The following CYP7B1 variants were observed in gnomAD, a reference collection of about 807,000 sequenced individuals.
CYP7B1 encodes the protein cytochrome P450 family 7 subfamily B member 1.
Under a neutral mutation model 42.7 loss-of-function variants are expected in CYP7B1, and 29 were observed. The observed-to-expected ratio is 0.68, with a 90% CI of 0.51 to 0.93. The LOEUF (loss-of-function observed/expected upper bound fraction) is 0.93. CYP7B1 is among the 40% of genes least tolerant of loss of function. CYP7B1 has a pLI of 0.00. For missense variants in CYP7B1, 655 were observed against 600.5 expected (o/e 1.09, Z -0.95); for synonymous variants, 235 against 218.2 (o/e 1.08, Z -0.68).
At chr8:64,628,141 T>C (rs565261581) in intron 1 of CYP7B1, among the ~76,000 whole-genome samples, 1 of 152,280 alleles carries the variant, frequency 6.6e-6, no homozygotes, top group Admixed American at 6.5e-5. Context: ...TCAAACAATA[T>C]ACATTTCCTC....
chr8:64,785,416 T>C (rs1270517877), intron 1 of CYP7B1, among the ~76,000 whole-genome samples: 1 of 152,236 alleles, frequency 6.6e-6, no homozygotes, highest in Non-Finnish European at 1.5e-5. Context: ...TAAATATTTT[T>C]AGCACCTTTA....
intron 1 of CYP7B1, among the ~76,000 whole-genome samples, chr8:64,711,727 C>T (rs1807084704): frequency 6.6e-6 from 1 of 152,164 alleles, no homozygotes; most frequent in Non-Finnish European, 1.5e-5. Context: ...AATACGCCTT[C>T]CTTCTATAAA....
intron 4 of CYP7B1, among the ~76,000 whole-genome samples, chr8:64,605,761 A>T (rs1294550368): frequency 6.6e-6 from 1 of 152,124 alleles, no homozygotes; most frequent in Admixed American, 6.5e-5. Flanking sequence ...CTCTCTAATC[A>T]GCAATATGAA....
At chr8:64,722,140 G>A (rs895207655) in intron 1 of CYP7B1, among the ~76,000 whole-genome samples, 1 of 152,238 alleles carries the variant, frequency 6.6e-6, no homozygotes, top group Non-Finnish European at 1.5e-5. Flanking sequence ...CATGCTGTAA[G>A]TTGCTTCCTG....
At chr8:64,638,787 G>T (rs1805811376) in intron 1 of CYP7B1, among the ~76,000 whole-genome samples, 1 of 152,060 alleles carries the variant, frequency 6.6e-6, no homozygotes, top group African/African-American at 2.4e-5. Flanking sequence ...ATAACTGGCA[G>T]AGAGAACCTA....
intron 1 of CYP7B1, among the ~76,000 whole-genome samples, chr8:64,777,711 A>C (rs963220801): frequency 6.6e-6 from 1 of 152,044 alleles, no homozygotes; most frequent in Non-Finnish European, 1.5e-5. Flanking sequence ...TGTTATCTAT[A>C]ACCCAAAGAC....
At chr8:64,643,164 C>CATATATACAT (rs1266881243) in intron 1 of CYP7B1, among the ~76,000 whole-genome samples, 2 of 117,774 alleles carry the variant, frequency 1.7e-5, no homozygotes, top group African/African-American at 6.8e-5. Flanking sequence ...CATATATACA[C>CATATATACAT]ATATATACAT....
chr8:64,798,426 G>A (rs1445714639), intron 1 of CYP7B1, 40 bp downstream of exon 1: 3 of 1,489,284 alleles, frequency 2.0e-6, no homozygotes, highest in South Asian at 1.3e-5. Context: ...GGCCCGCGGG[G>A]CCCAGGGCGC....
chr8:64,691,249 G>T (rs1476905458), intron 1 of CYP7B1, among the ~76,000 whole-genome samples: 1 of 148,830 alleles, frequency 6.7e-6, no homozygotes, highest in African/African-American at 2.4e-5. Flanking sequence ...CATTAAATAG[G>T]TAGTACAGTT....
Position 64,594,257 on chromosome 8 carries a change from T to C in CYP7B1, c.*2385A>G, listed in dbSNP as rs1312166185. Among the ~76,000 whole-genome samples, 1 of 152,120 alleles carries C rather than the reference T, an allele frequency of 6.6e-6. No homozygotes were observed. ...CACAATAACTGTCCTGCTGACAGTG[T>C]CCATCACTGGGTAACTAGATCATTA... On this transcript the variant is annotated 3_prime_UTR_variant, in exon 6 of 6. Transcript: ENST00000310193.
intron 2 of CYP7B1, among the ~76,000 whole-genome samples, chr8:64,617,788 A>G (rs1489529669): frequency 1.3e-5 from 2 of 151,942 alleles, no homozygotes; most frequent in Non-Finnish European, 2.9e-5. Flanking sequence ...TTGGTGCAAG[A>G]TATTTCAAAT....
chr8:64,762,379 G>C (rs1214879734), intron 1 of CYP7B1, among the ~76,000 whole-genome samples: 2 of 152,128 alleles, frequency 1.3e-5, no homozygotes, highest in African/African-American at 4.8e-5. Context: ...AGTTACAGGT[G>C]TAATAGCCAA....
At chr8:64,691,481 C>CCG (rs1806741343) in intron 1 of CYP7B1, among the ~76,000 whole-genome samples, 2 of 18,356 alleles carry the variant, frequency 1.1e-4, no homozygotes, top group East Asian at 7.8e-4. Context: ...GCGATGGCAA[C>CCG]TGGGGGGGGG....
chr8:64,702,786 G>A (rs1280980283), intron 1 of CYP7B1, among the ~76,000 whole-genome samples: 2 of 152,056 alleles, frequency 1.3e-5, no homozygotes, highest in Admixed American at 6.6e-5. Context: ...CATAATGTAC[G>A]GCAATAATAT....
At chr8:64,755,340 C>G (rs1807792513) in intron 1 of CYP7B1, among the ~76,000 whole-genome samples, 2 of 152,176 alleles carry the variant, frequency 1.3e-5, no homozygotes, top group Admixed American at 6.5e-5. Context: ...TCAGTCTCTC[C>G]CATAGCACTG....
At chr8:64,638,358 A>T (rs1419256380) in intron 1 of CYP7B1, among the ~76,000 whole-genome samples, 1 of 152,080 alleles carries the variant, frequency 6.6e-6, no homozygotes, top group Admixed American at 6.6e-5. Flanking sequence ...TCTCTTTTGT[A>T]GTTAAATGAA....
chr8:64,757,500 TG>T (rs759302379), intron 1 of CYP7B1, among the ~76,000 whole-genome samples: 8 of 152,214 alleles, frequency 5.3e-5, no homozygotes, highest in Admixed American at 1.3e-4. Flanking sequence ...TTCCCTAGCA[TG>T]TATACAGCCT....
intron 1 of CYP7B1, among the ~76,000 whole-genome samples, chr8:64,633,725 T>C (rs372342728): frequency 6.6e-6 from 1 of 152,136 alleles, no homozygotes; most frequent in African/African-American, 2.4e-5. Flanking sequence ...GCAATCCCAA[T>C]CAAAATTCTA....
intron 1 of CYP7B1, among the ~76,000 whole-genome samples, chr8:64,755,201 G>A (rs1002677199): frequency 5.9e-5 from 9 of 152,072 alleles, no homozygotes; most frequent in East Asian, 1.9e-4. Flanking sequence ...GTTTTAACAC[G>A]GGTGATAAAC....
Sources: gnomAD v4.1 joint callset for allele counts (sites outside exome capture counted in the v4.1 genomes callset) on GRCh38, gnomAD v4.1.1 for gene constraint, MANE v1.5 for transcripts, NCBI Gene and HGNC (gene_info 2026-07-23, HGNC 2026-07-21) for gene names.